Variants in DSE observed in about 807,000 individuals in gnomAD.
DSE encodes dermatan-sulfate epimerase.
In DSE, 36 loss-of-function variants were observed where a neutral mutation model predicts 84.4. That is an observed-to-expected ratio of 0.43 (90% CI 0.33 to 0.56). The LOEUF (loss-of-function observed/expected upper bound fraction) is 0.56. DSE is among the 20% of genes least tolerant of loss of function. The pLI, the probability that DSE is intolerant of heterozygous loss-of-function variation, is 0.06. For synonymous variants in DSE, 410 were observed against 430.1 expected (o/e 0.95, Z 0.58); for missense variants, 862 against 1,169.6 (o/e 0.74, Z 3.84).
At chr6:116,267,609 TTTA>T (rs1306710600) in intron 2 of DSE, among the ~76,000 whole-genome samples, 1 of 152,148 alleles carries the variant, frequency 6.6e-6, no homozygotes, top group African/African-American at 2.4e-5. Context: ...CTAAGGTTAA[TTTA>T]TTATTGGAGA....
intron 2 of DSE, chr6:116,278,576 G>A (rs1773278067): frequency 3.1e-6 from 5 of 1,614,084 alleles, no homozygotes; most frequent in East Asian, 2.2e-5. Flanking sequence ...AGCGGGCGAC[G>A]TCGGGCTCTA....
chr6:116,376,390 T>A (rs188232575), intron 1 of DSE, among the ~76,000 whole-genome samples: 3 of 152,332 alleles, frequency 2.0e-5, no homozygotes, highest in Admixed American at 1.3e-4. Context: ...AGATCCTCTT[T>A]CAGATGCCCA....
chr6:116,331,384 G>A (rs1186492352), intron 2 of DSE, among the ~76,000 whole-genome samples: 3 of 152,162 alleles, frequency 2.0e-5, no homozygotes, highest in Non-Finnish European at 4.4e-5. Context: ...CATGGTGACA[G>A]CAAGGAGAAG....
chr6:116,399,072 G>T, intron 1 of DSE, 126 bp from the exon 2 acceptor site: 3 of 795,048 alleles, frequency 3.8e-6, no homozygotes, highest in African/African-American at 3.5e-5. Flanking sequence ...TTTTTTTGTT[G>T]TATTTTTAAA....
intron 2 of DSE, among the ~76,000 whole-genome samples, chr6:116,362,333 C>T (rs1035752657): frequency 6.6e-6 from 1 of 152,160 alleles, no homozygotes; most frequent in Non-Finnish European, 1.5e-5. Context: ...TGGGATTGGT[C>T]TGAAAATTTT....
intron 2 of DSE, among the ~76,000 whole-genome samples, chr6:116,417,362 G>A (rs1782780644): frequency 6.6e-6 from 1 of 152,136 alleles, no homozygotes. Context: ...CCATTTAACA[G>A]TACTACTCTA....
chr6:116,277,601 A>G (rs1773208630), intron 2 of DSE: 1 of 152,196 alleles, frequency 6.6e-6, no homozygotes, highest in South Asian at 2.1e-4. Flanking sequence ...ACAGAGCCAA[A>G]ATGAAATAAA....
chr6:116,280,589 G>T (rs917320911), intron 2 of DSE, among the ~76,000 whole-genome samples: 19 of 152,188 alleles, frequency 1.2e-4, no homozygotes, highest in African/African-American at 4.1e-4. Flanking sequence ...CCAGCCCCAA[G>T]AACTTAATTT....
At chr6:116,312,432 G>A (rs1036497371) in intron 2 of DSE, among the ~76,000 whole-genome samples, 7 of 152,176 alleles carry the variant, frequency 4.6e-5, no homozygotes, top group African/African-American at 1.7e-4. Context: ...ACATCAGCTG[G>A]CCCTTGAAGA....
intron 2 of DSE, chr6:116,279,301 T>A: frequency 1.4e-6 from 2 of 1,388,740 alleles, no homozygotes; most frequent in Non-Finnish European, 1.9e-6. Flanking sequence ...CAGGCCTTCC[T>A]TCACCACCTC....
intron 2 of DSE, among the ~76,000 whole-genome samples, chr6:116,297,430 C>G (rs543436212): frequency 1.3e-5 from 2 of 152,090 alleles, no homozygotes; most frequent in East Asian, 1.9e-4. Flanking sequence ...ATGAGTGCCT[C>G]CTAGGATCAC....
intron 2 of DSE, among the ~76,000 whole-genome samples, chr6:116,275,610 C>T (rs1773098008): frequency 6.6e-6 from 1 of 152,114 alleles, no homozygotes; most frequent in South Asian, 2.1e-4. Context: ...ACCATCCTGG[C>T]TAACATGGTG....
chr6:116,373,841 A>G (rs151307447), intron 1 of DSE, among the ~76,000 whole-genome samples: 3 of 152,344 alleles, frequency 2.0e-5, no homozygotes, highest in African/African-American at 7.2e-5. Flanking sequence ...TATTTGTGAT[A>G]CAATATTTTG....
chr6:116,431,337 T>A, intron 4 of DSE, 144 bp downstream of exon 4: 1 of 1,222,888 alleles, frequency 8.2e-7, no homozygotes, highest in Non-Finnish European at 1.1e-6. Context: ...CAAAGAAAAA[T>A]TGAATTCAAG....
At chr6:116,282,553 T>C (rs557905861) in intron 2 of DSE, among the ~76,000 whole-genome samples, 1 of 152,344 alleles carries the variant, frequency 6.6e-6, no homozygotes, top group Admixed American at 6.5e-5. Context: ...GTTGAGACTC[T>C]TTAAAGGAAC....
chr6:116,399,411 C>A lies in DSE; in HGVS notation c.161C>A (p.Ala54Glu). The A allele has an allele frequency of 6.2e-7, 1 of 1,614,152 alleles. No homozygotes were observed. The highest frequency in any genetic ancestry group is 8.5e-7 in the Non-Finnish European group (1 of 1,180,038). Residue 54 changes from alanine (A) to glutamate (E), a missense_variant, in exon 2 of 6, where the codon GCG (alanine) becomes GAG (glutamate). By Grantham distance (107) the Ala-to-Glu change is moderately radical. This residue lies in a region of DSE where 309 missense variants were observed against 516.9 expected (regional missense o/e 0.60). Coordinates refer to ENST00000644252, the MANE Select transcript of DSE (RefSeq NM_013352.4). ...PMLYFSRAEVAELQLRAASSH... is the reference protein window; with the variant it reads ...PMLYFSRAEVEELQLRAASSH... ...CTGTACTTCTCCAGGGCAGAAGTGG[C>A]GGAGCTGCAGCTCAGGGCTGCCAGC...
rs1781934984 is a variant in DSE at position 116,406,461 on chromosome 6, C to T, written c.416+6795C>T. On this transcript the variant is annotated intron_variant, in intron 2 of 5. Transcript: ENST00000644252. ...TATCATAAGGGAAAATGTTAGTTGG[C>T]AAGTGCCGCATGTATGTCTGTATTC... 2.6e-5 allele frequency among the ~76,000 whole-genome samples: 4 copies of T among 152,330 alleles called. No homozygotes were observed. The South Asian group carries it at 8.3e-4, about 32-fold the overall frequency.
chr6:116,393,535 G>A (rs1260717943), intron 1 of DSE, among the ~76,000 whole-genome samples: 1 of 152,092 alleles, frequency 6.6e-6, no homozygotes, highest in Admixed American at 6.5e-5. Context: ...AGCTCTTCAT[G>A]TCATGTTCTA....
intron 1 of DSE, among the ~76,000 whole-genome samples, chr6:116,374,440 A>G (rs1583122209): frequency 6.6e-6 from 1 of 152,062 alleles, no homozygotes; most frequent in East Asian, 1.9e-4. Context: ...GATCTTTACT[A>G]TTTTGAAGGA....
Sources: allele counts gnomAD v4.1 joint callset (sites outside exome capture counted in the v4.1 genomes callset), GRCh38; gene constraint gnomAD v4.1.1; regional missense constraint gnomAD v4.1.1; transcripts MANE v1.5; gene names NCBI Gene and HGNC (gene_info 2026-07-23, HGNC 2026-07-21).